Variants in NUP35 observed in about 807,000 individuals in gnomAD.
NUP35 encodes the protein nucleoporin 35.
NUP35 carries 25 observed loss-of-function variants against 41.5 expected under a neutral mutation model. That is an observed-to-expected ratio of 0.60 (90% CI 0.44 to 0.84). The LOEUF (loss-of-function observed/expected upper bound fraction) is 0.84, where lower values mean the gene tolerates loss of function less well. Among genes scored for constraint, NUP35 ranks in the 40% least tolerant of loss-of-function variants. The pLI is 0.00. For synonymous variants in NUP35, 149 were observed against 130.7 expected (o/e 1.14, Z -0.96); for missense variants, 396 against 396.6 (o/e 1.00, Z 0.01).
intron 4 of NUP35, among the ~76,000 whole-genome samples, chr2:183,143,569 C>T (rs952960613): frequency 2.6e-5 from 4 of 152,210 alleles, no homozygotes; most frequent in Non-Finnish European, 2.9e-5. Context: ...TTGTCTTCTG[C>T]TGTCAGACTC....
At position 183,128,420 on chromosome 2, in the gene NUP35, A is replaced by G. The variant is rs769470137; in HGVS notation, c.174A>G (p.Ser58=). Residue 58 remains serine, a synonymous_variant, in exon 2 of 9, where the codon TCA becomes TCG. Coordinates refer to ENST00000295119, the MANE Select transcript of NUP35 (RefSeq NM_138285.5). ...AACCTCGATCAATTAGTGGCCCTTC[A>G]GTAGGAGTAATGGAAATGAGATCAC... ...TPQPRSISGP[S]VGVMEMRSPL... 6.2e-7 allele frequency: 1 copy of G among 1,613,918 alleles called. No individual in the cohort carries two copies. The highest frequency in any genetic ancestry group is 1.7e-5 in the Admixed American group (1 of 59,998).
chr2:183,146,897 A>G (rs564351749), intron 4 of NUP35, among the ~76,000 whole-genome samples: 3 of 152,124 alleles, frequency 2.0e-5, no homozygotes, highest in South Asian at 4.2e-4. Context: ...CGCTTGGCCT[A>G]TTTTTTGACT....
intron 1 of NUP35, chr2:183,117,756 GAC>G (rs1428798799): frequency 1.3e-5 from 2 of 152,070 alleles, no homozygotes; most frequent in African/African-American, 4.8e-5. Flanking sequence ...CATATTGTTG[GAC>G]ACTTATAAAT....
intron 4 of NUP35, among the ~76,000 whole-genome samples, chr2:183,134,782 A>ATG (rs1684819864): frequency 6.5e-5 from 9 of 138,726 alleles, no homozygotes; most frequent in Admixed American, 6.5e-4. Flanking sequence ...CGCCTGGCTA[A>ATG]TTTTTTTTTT....
At chr2:183,145,438 ATT>A (rs2105587751) in intron 4 of NUP35, among the ~76,000 whole-genome samples, 1 of 152,236 alleles carries the variant, frequency 6.6e-6, no homozygotes, top group Non-Finnish European at 1.5e-5. Flanking sequence ...TGGATTTTGT[ATT>A]TACAGATTTG....
intron 4 of NUP35, among the ~76,000 whole-genome samples, chr2:183,141,280 G>A (rs1275688246): frequency 6.6e-6 from 1 of 152,036 alleles, no homozygotes; most frequent in African/African-American, 2.4e-5. Flanking sequence ...GTTACATATA[G>A]GGCCCACCTG....
Position 183,133,562 on chromosome 2 carries a change from G to T in NUP35, c.340-4G>T. The stretch of plus-strand genomic sequence containing the variant: ...TACCATAACACTTTCTTCTGTTTGT[G>T]TAGCCAAACATTTCAGTAATGCAGA... On this transcript the variant is annotated splice_region_variant and splice_polypyrimidine_tract_variant and intron_variant, in intron 3 of 8. Coordinates refer to ENST00000295119, the MANE Select transcript of NUP35 (RefSeq NM_138285.5). 1 of 1,598,438 alleles carries T rather than the reference G, an allele frequency of 6.3e-7. No homozygotes were observed. The highest frequency in any genetic ancestry group is 8.5e-7 in the Non-Finnish European group (1 of 1,173,148).
chr2:183,154,932 G>T lies in NUP35; in HGVS notation c.540-2512G>T, dbSNP rs573276175. ...CTCAGAATCATGGCGGGAGGCAAAA[G>T]GTACTTACATAGTGACATCAAGAGA... On this transcript the variant is annotated intron_variant, in intron 5 of 8. Coordinates refer to ENST00000295119, the MANE Select transcript of NUP35 (RefSeq NM_138285.5). 2.6e-5 allele frequency among the ~76,000 whole-genome samples: 4 copies of T among 152,258 alleles called. No individual in the cohort carries two copies. The South Asian group carries it at 8.3e-4, about 32-fold the overall frequency.
upstream of NUP35, among the ~76,000 whole-genome samples, chr2:183,122,325 C>T (rs1341763708): frequency 6.6e-6 from 1 of 152,162 alleles, no homozygotes; most frequent in Admixed American, 6.5e-5. Context: ...ATCCGCCCGC[C>T]TTGGCCTCCC....
chr2:183,153,232 G>A (rs1014650201), intron 5 of NUP35, among the ~76,000 whole-genome samples: 1 of 152,152 alleles, frequency 6.6e-6, no homozygotes, highest in Non-Finnish European at 1.5e-5. Flanking sequence ...TGGAGACACA[G>A]CCAAACCATT....
chr2:183,155,873 T>G (rs923903330), intron 5 of NUP35, among the ~76,000 whole-genome samples: 4 of 152,152 alleles, frequency 2.6e-5, no homozygotes, highest in Non-Finnish European at 4.4e-5. Flanking sequence ...ACATTAACTC[T>G]CCCAGCTGTT....
At chr2:183,139,323 C>T (rs1031945948) in intron 4 of NUP35, among the ~76,000 whole-genome samples, 28 of 151,678 alleles carry the variant, frequency 1.8e-4, no homozygotes, top group Admixed American at 1.2e-3. Flanking sequence ...CCTCCCACCT[C>T]GACCTCCCAT....
chr2:183,155,218 C>A (rs16824058), intron 5 of NUP35, among the ~76,000 whole-genome samples: 1 of 152,180 alleles, frequency 6.6e-6, no homozygotes, highest in South Asian at 2.1e-4. Context: ...AAAAATAACA[C>A]ATGAGCTCCT....
chr2:183,160,057 T>C (rs2105625610), intron 8 of NUP35: 1 of 160,484 alleles, frequency 6.2e-6, no homozygotes, highest in African/African-American at 2.4e-5. Context: ...ATGAAGACAT[T>C]GACCAACCTC....
Position 183,128,436 on chromosome 2 carries a change from A to G in NUP35, c.190A>G (p.Met64Val). Residue 64 changes from methionine to valine, a missense_variant, in exon 2 of 9, where the codon ATG (methionine) becomes GTG (valine). By Grantham distance (21) the Met-to-Val change is conservative. Transcript: ENST00000295119. ...TGGCCCTTCAGTAGGAGTAATGGAA[A>G]TGAGATCACCTTTACTTGCAGGTAG... ...ISGPSVGVME[M>V]RSPLLAGGSP... 1 of 1,613,330 alleles carries G rather than the reference A, an allele frequency of 6.2e-7. No homozygotes were observed. The highest frequency in any genetic ancestry group is 8.5e-7 in the Non-Finnish European group (1 of 1,179,592).
In NUP35 at chr2:183,159,520, A is replaced by G. The variant is rs376289426; in HGVS notation, c.771A>G (p.Leu257=). Residue 257 remains leucine, a synonymous_variant, in exon 8 of 9, where the codon TTA becomes TTG. Transcript: ENST00000295119. ...SVMESSDRCA[L]SSPSLAFTPP... ...TGGAAAGCAGTGACAGATGTGCTTT[A>G]TCATCTCCATCTTTAGCCTTTACAC... 3.1e-6 allele frequency: 5 copies of G among 1,613,536 alleles called. No homozygotes were observed. In the African/African-American group the frequency reaches 5.3e-5, roughly 17 times the overall value.
At chr2:183,145,803 A>G (rs1685257415) in intron 4 of NUP35, among the ~76,000 whole-genome samples, 1 of 152,238 alleles carries the variant, frequency 6.6e-6, no homozygotes, top group South Asian at 2.1e-4. Flanking sequence ...ACAGACTTCT[A>G]GGAATGATGT....
rs1425396619 is a variant in NUP35, at chr2:183,161,077, A to G, written c.927A>G (p.Pro309=). The change falls in exon 9 of 9, where the codon CCA becomes CCG. Residue 309 remains proline (P), a synonymous_variant. Coordinates refer to ENST00000295119, the MANE Select transcript of NUP35 (RefSeq NM_138285.5). ...AGGTTATTTCTGACAGACAAACGCC[A>G]AAAAAAGATGAAAGTCTTGTATCCA... ...DYQVISDRQT[P]KKDESLVSKA... 8.7e-6 allele frequency: 14 copies of G among 1,610,510 alleles called. No homozygotes were observed. The highest frequency in any genetic ancestry group is 1.2e-5 in the Non-Finnish European group (14 of 1,177,538).
chr2:183,145,610 G>T (rs1685252800), intron 4 of NUP35, among the ~76,000 whole-genome samples: 1 of 152,090 alleles, frequency 6.6e-6, no homozygotes, highest in African/African-American at 2.4e-5. Context: ...ACCTGAAAGA[G>T]AATTTTTAAA....
Sources: allele counts gnomAD v4.1 joint callset (sites outside exome capture counted in the v4.1 genomes callset), GRCh38; gene constraint gnomAD v4.1.1; transcripts MANE v1.5; gene names NCBI Gene and HGNC (gene_info 2026-07-23, HGNC 2026-07-21).